The following SLC35F3 variants were observed in gnomAD, a reference collection of about 807,000 sequenced individuals.
The protein encoded by SLC35F3 is putative thiamine transporter SLC35F3.
A neutral mutation model predicts 49.9 loss-of-function variants in SLC35F3; 25 were observed. That is an observed-to-expected ratio of 0.50 (90% CI 0.37 to 0.70). SLC35F3 has a LOEUF of 0.70. SLC35F3 is among the 30% of genes least tolerant of loss of function. The probability of loss-of-function intolerance (pLI) is 0.00; values close to 1 mark genes in which losing one functional copy is unlikely to be tolerated. For missense variants in SLC35F3, 525 were observed against 639.8 expected (o/e 0.82, Z 1.94); for synonymous variants, 275 against 265.4 (o/e 1.04, Z -0.35).
chr1:234,287,905 GAGGTAGAGT>G (rs1668447592), intron 3 of SLC35F3, among the ~76,000 whole-genome samples: 1 of 152,092 alleles, frequency 6.6e-6, no homozygotes, highest in Admixed American at 6.6e-5. Flanking sequence ...TTTTTTTAGA[GAGGTAGAGT>G]CTTGCTTTGT....
At chr1:234,072,347 G>A (rs1322801958) in intron 2 of SLC35F3, among the ~76,000 whole-genome samples, 2 of 152,176 alleles carry the variant, frequency 1.3e-5, no homozygotes, top group African/African-American at 4.8e-5. Context: ...AATTGCCTGT[G>A]CCAGTCATTG....
chr1:233,977,232 G>T (rs944524642), intron 2 of SLC35F3, among the ~76,000 whole-genome samples: 1 of 152,158 alleles, frequency 6.6e-6, no homozygotes, highest in Non-Finnish European at 1.5e-5. Flanking sequence ...CCCTTAAGTT[G>T]TTGCAAATAT....
intron 3 of SLC35F3, among the ~76,000 whole-genome samples, chr1:234,297,540 G>A (rs1037739737): frequency 6.6e-6 from 1 of 152,100 alleles, no homozygotes; most frequent in African/African-American, 2.4e-5. Context: ...AGACACAAAG[G>A]GACAAATACT....
At chr1:234,226,884 G>T (rs535350929) in intron 2 of SLC35F3, among the ~76,000 whole-genome samples, 1 of 152,100 alleles carries the variant, frequency 6.6e-6, no homozygotes, top group Admixed American at 6.5e-5. Flanking sequence ...CACAGGCGTG[G>T]TTACATCTCA....
chr1:234,219,843 G>T (rs1667175622), intron 2 of SLC35F3, among the ~76,000 whole-genome samples: 1 of 152,208 alleles, frequency 6.6e-6, no homozygotes, highest in South Asian at 2.1e-4. Context: ...GGATGGCATG[G>T]TAGAGGAGTT....
intron 2 of SLC35F3, among the ~76,000 whole-genome samples, chr1:233,937,985 G>T (rs1357088880): frequency 6.6e-6 from 1 of 152,176 alleles, no homozygotes; most frequent in Non-Finnish European, 1.5e-5. Flanking sequence ...CAGGAGAGAA[G>T]ATTGGGTTGA....
At chr1:234,159,631 GA>G (rs1227437676) in intron 2 of SLC35F3, among the ~76,000 whole-genome samples, 1 of 152,066 alleles carries the variant, frequency 6.6e-6, no homozygotes, top group Non-Finnish European at 1.5e-5. Context: ...GGAATTCTCA[GA>G]TAGGCTTTAC....
chr1:233,966,421 C>T (rs1199573410), intron 2 of SLC35F3, among the ~76,000 whole-genome samples: 1 of 151,946 alleles, frequency 6.6e-6, no homozygotes, highest in Admixed American at 6.5e-5. Flanking sequence ...ATGAGTACAC[C>T]CCAATCAGAC....
chr1:234,196,639 C>T (rs1646179661), intron 2 of SLC35F3, among the ~76,000 whole-genome samples: 1 of 152,228 alleles, frequency 6.6e-6, no homozygotes, highest in African/African-American at 2.4e-5. Flanking sequence ...ATTGCTGTAT[C>T]CTGTCAAAGA....
At chr1:234,213,298 C>G (rs1308709450) in intron 2 of SLC35F3, 1 of 152,160 alleles carries the variant, frequency 6.6e-6, no homozygotes, top group East Asian at 1.9e-4. Context: ...AAATTCTGGG[C>G]AAAGATCTAA....
rs534757119 is a variant in SLC35F3 at position 233,993,633 on chromosome 1, G to A, written c.283+87875G>A. On this transcript the variant is annotated intron_variant, in intron 2 of 7. Transcript: ENST00000366618. Reference sequence around the variant, plus strand: ...GAAGCAGAGATCCAGGCCATTAAACGATGCATCTAAGATCACACGGATCTT... The same window carrying A: ...GAAGCAGAGATCCAGGCCATTAAACAATGCATCTAAGATCACACGGATCTT... Among the ~76,000 whole-genome samples the A allele has an allele frequency of 7.2e-5, 11 of 152,252 alleles. 1 individual carries two copies. The South Asian group carries it at 1.5e-3, about 20-fold the overall frequency.
In SLC35F3 at chr1:233,957,294, T is replaced by C. The variant is rs1403630566; in HGVS notation, c.283+51536T>C. Among the ~76,000 whole-genome samples, 1 of 152,194 alleles carries C rather than the reference T, an allele frequency of 6.6e-6. No individual in the cohort carries two copies. Among genetic ancestry groups the C allele is most frequent in the Non-Finnish European group, 1.5e-5 (1 of 68,034 alleles). On this transcript the variant is annotated intron_variant, in intron 2 of 7. Transcript: ENST00000366618. The surrounding 1 kb of genome is among the most constrained non-coding windows in gnomAD (Gnocchi z 4.0). ...GCTGAATATAAAGGAATCTGAACCATAACAAAGGTAGGAGGAATGGCTGGA... is the reference window on the plus strand; with the variant it reads ...GCTGAATATAAAGGAATCTGAACCACAACAAAGGTAGGAGGAATGGCTGGA...
chr1:234,302,801 GCTGT>G (rs1028401616), intron 3 of SLC35F3, among the ~76,000 whole-genome samples: 25 of 152,226 alleles, frequency 1.6e-4, no homozygotes, highest in African/African-American at 5.5e-4. Context: ...ACCCCTCAAA[GCTGT>G]CTGAGTGCCC....
intron 2 of SLC35F3, among the ~76,000 whole-genome samples, chr1:233,926,518 T>C (rs1662162928): frequency 6.6e-6 from 1 of 152,168 alleles, no homozygotes; most frequent in Non-Finnish European, 1.5e-5. Flanking sequence ...CTGTTTATTC[T>C]AGTTAGCCAT....
chr1:233,934,894 T>G (rs1662299364), intron 2 of SLC35F3, among the ~76,000 whole-genome samples: 1 of 151,420 alleles, frequency 6.6e-6, no homozygotes, highest in South Asian at 2.1e-4. Context: ...ATGATCAAGA[T>G]AGCTTACATA....
intron 3 of SLC35F3, among the ~76,000 whole-genome samples, chr1:234,281,391 C>T (rs1668323163): frequency 6.6e-6 from 1 of 152,178 alleles, no homozygotes; most frequent in Admixed American, 6.5e-5. Context: ...TGTTAAGCCC[C>T]CAGTCTGTGG....
chr1:233,994,483 T>C (rs563717294), intron 2 of SLC35F3, among the ~76,000 whole-genome samples: 5 of 152,290 alleles, frequency 3.3e-5, no homozygotes, highest in African/African-American at 1.2e-4. Flanking sequence ...CCAATCCTCC[T>C]GTAGGAACAC....
chr1:234,288,305 A>G (rs1460678280), intron 3 of SLC35F3, among the ~76,000 whole-genome samples: 1 of 152,236 alleles, frequency 6.6e-6, no homozygotes, highest in Admixed American at 6.5e-5. Flanking sequence ...AGAAGGCAGT[A>G]AAATTCACAG....
chr1:234,034,269 G>A (rs745655204), intron 2 of SLC35F3, among the ~76,000 whole-genome samples: 3 of 152,078 alleles, frequency 2.0e-5, no homozygotes, highest in Non-Finnish European at 4.4e-5. Flanking sequence ...AGTCTTTAGG[G>A]TATACAATCA....
Sources: gnomAD v4.1 joint callset for allele counts (sites outside exome capture counted in the v4.1 genomes callset) on GRCh38, gnomAD v4.1.1 for gene constraint, Gnocchi (gnomAD v3.1) non-coding constraint, MANE v1.5 for transcripts, NCBI Gene and HGNC (gene_info 2026-07-23, HGNC 2026-07-21) for gene names.